GHR: variants seen among roughly 807,000 people sequenced by gnomAD.
GHR encodes GH receptor.
A neutral mutation model predicts 67.1 loss-of-function variants in GHR; 35 were observed. The observed-to-expected ratio is 0.52, with a 90% confidence interval of 0.40 to 0.69. GHR has a LOEUF of 0.69. Among genes scored for constraint, GHR ranks in the 30% least tolerant of loss-of-function variants. GHR has a pLI of 0.00. For synonymous variants in GHR, 272 were observed against 269.1 expected (o/e 1.01, Z -0.10); for missense variants, 792 against 764.6 (o/e 1.04, Z -0.42).
At chr5:42,468,845 C>T in intron 1 of GHR, 2 of 948,212 alleles carry the variant, frequency 2.1e-6, no homozygotes, top group South Asian at 3.4e-5. Context: ...CAGCTGAAGC[C>T]TTCCTGTAAC....
chr5:42,678,655 CAAAGG>C (rs1478098498), intron 3 of GHR, among the ~76,000 whole-genome samples: 1 of 152,148 alleles, frequency 6.6e-6, no homozygotes, highest in Admixed American at 6.6e-5. Context: ...CTATGCCAGA[CAAAGG>C]AAACATTCTT....
intron 2 of GHR, among the ~76,000 whole-genome samples, chr5:42,611,524 G>T (rs1321725100): frequency 2.0e-5 from 3 of 152,152 alleles, no homozygotes; most frequent in African/African-American, 7.2e-5. Flanking sequence ...GCCAAGCCCT[G>T]TGCTTAGAAC....
chr5:42,536,549 T>C (rs1748264734), intron 1 of GHR, among the ~76,000 whole-genome samples: 1 of 152,200 alleles, frequency 6.6e-6, no homozygotes, highest in African/African-American at 2.4e-5. Context: ...TTTGATATGT[T>C]GTCAGATTCA....
intron 1 of GHR, among the ~76,000 whole-genome samples, chr5:42,555,595 C>T (rs994633432): frequency 6.6e-6 from 1 of 152,168 alleles, no homozygotes; most frequent in African/African-American, 2.4e-5. Context: ...CTTAACCTCT[C>T]TGAGCTCCTC....
intron 1 of GHR, among the ~76,000 whole-genome samples, chr5:42,473,174 A>G (rs1316080321): frequency 6.6e-6 from 1 of 152,164 alleles, no homozygotes; most frequent in Non-Finnish European, 1.5e-5. Flanking sequence ...CATGGCAGTG[A>G]TCAGTAGAAT....
In GHR at chr5:42,699,910, G is replaced by C; in HGVS notation, c.526G>C (p.Glu176Gln). ...GIHADIQVRW[E>Q]APRNADIQKG... ...TCATGCAGATATCCAAGTGAGATGG[G>C]AAGCACCACGCAATGCAGATATTCA... is the stretch of plus-strand genomic sequence containing the variant. The change falls in exon 6 of 10, where the codon GAA (glutamate) becomes CAA (glutamine). Residue 176 changes from glutamate to glutamine, a missense_variant. By Grantham distance (29) the Glu-to-Gln change is conservative. Coordinates refer to ENST00000230882, the MANE Select transcript of GHR (RefSeq NM_000163.5). 1 of 1,598,454 alleles carries C rather than the reference G, an allele frequency of 6.3e-7. No homozygotes were observed. The highest frequency in any genetic ancestry group is 8.6e-7 in the Non-Finnish European group (1 of 1,165,674).
At chr5:42,594,574 G>C (rs1017819915) in intron 2 of GHR, among the ~76,000 whole-genome samples, 2 of 152,140 alleles carry the variant, frequency 1.3e-5, no homozygotes, top group African/African-American at 4.8e-5. Context: ...CACTGATATA[G>C]CAGTGCCAAC....
chr5:42,703,268 T>C (rs983692275), intron 6 of GHR, among the ~76,000 whole-genome samples: 1 of 152,094 alleles, frequency 6.6e-6, no homozygotes, highest in Admixed American at 6.6e-5. Context: ...TTCATTCTTC[T>C]GCATATGGAT....
intron 2 of GHR, among the ~76,000 whole-genome samples, chr5:42,573,585 C>T (rs1238701331): frequency 2.0e-5 from 3 of 152,148 alleles, no homozygotes; most frequent in African/African-American, 7.2e-5. Context: ...CTGATTAAAT[C>T]TCCTCAAATA....
At chr5:42,665,351 T>C (rs1410481713) in intron 3 of GHR, among the ~76,000 whole-genome samples, 1 of 152,198 alleles carries the variant, frequency 6.6e-6, no homozygotes, top group Non-Finnish European at 1.5e-5. Context: ...CCAACCCGAA[T>C]GTCCAACAAT....
chr5:42,637,568 T>C (rs1282224161), intron 3 of GHR, among the ~76,000 whole-genome samples: 2 of 152,170 alleles, frequency 1.3e-5, no homozygotes, highest in Non-Finnish European at 2.9e-5. Context: ...CGTTTTCTGT[T>C]CCTGCGTTAA....
intron 2 of GHR, among the ~76,000 whole-genome samples, chr5:42,606,974 C>A (rs1477050041): frequency 1.3e-5 from 2 of 152,178 alleles, no homozygotes; most frequent in African/African-American, 4.8e-5. Context: ...TATGGTTTGG[C>A]TCTGTGTCCC....
chr5:42,447,713 C>T (rs939796727), intron 1 of GHR, among the ~76,000 whole-genome samples: 4 of 140,112 alleles, frequency 2.9e-5, no homozygotes, highest in Non-Finnish European at 6.2e-5. Context: ...CTCTCCCTCC[C>T]TCCCTCCCTC....
chr5:42,641,156 G>A (rs540287063), intron 3 of GHR, among the ~76,000 whole-genome samples: 1 of 141,340 alleles, frequency 7.1e-6, no homozygotes, highest in Non-Finnish European at 1.5e-5. Context: ...CTCTCCTTAG[G>A]TACAAAAAAG....
At chr5:42,437,609 G>A (rs973537728) in intron 1 of GHR, among the ~76,000 whole-genome samples, 67 of 151,370 alleles carry the variant, frequency 4.4e-4, no homozygotes, top group African/African-American at 2.9e-4. Context: ...GTGCAGTGGC[G>A]TGAACTTGGC....
At chr5:42,501,768 A>G (rs1292681374) in intron 1 of GHR, among the ~76,000 whole-genome samples, 1 of 152,202 alleles carries the variant, frequency 6.6e-6, no homozygotes, top group Non-Finnish European at 1.5e-5. Flanking sequence ...AGATTTTTAA[A>G]CACAAAAGTG....
intron 1 of GHR, among the ~76,000 whole-genome samples, chr5:42,439,293 G>A (rs1340322679): frequency 6.6e-6 from 1 of 152,176 alleles, no homozygotes; most frequent in Non-Finnish European, 1.5e-5. Flanking sequence ...TGTTTGGTAA[G>A]TTATCACTCA....
At chr5:42,501,532 A>T (rs181861382) in intron 1 of GHR, among the ~76,000 whole-genome samples, 1 of 152,242 alleles carries the variant, frequency 6.6e-6, no homozygotes, top group South Asian at 2.1e-4. Context: ...AGGTATCTCA[A>T]TCTATGCACT....
intron 3 of GHR, among the ~76,000 whole-genome samples, chr5:42,655,428 A>G (rs67846731): frequency 0.011 from 1,607 of 152,188 alleles, 27 homozygotes; most frequent in African/African-American, 0.036. Context: ...ATGGAACAGA[A>G]AGTGTTTGAA....
Sources: allele counts gnomAD v4.1 joint callset (sites outside exome capture counted in the v4.1 genomes callset), GRCh38; gene constraint gnomAD v4.1.1; transcripts MANE v1.5; gene names NCBI Gene and HGNC (gene_info 2026-07-23, HGNC 2026-07-21).